Variants in KCNB2 observed in about 807,000 individuals in gnomAD.
The protein encoded by KCNB2 is delayed rectifier potassium channel protein.
Under a neutral mutation model 61.5 loss-of-function variants are expected in KCNB2, and 15 were observed. The observed-to-expected ratio is 0.24, with a 90% CI of 0.16 to 0.38. KCNB2 has a LOEUF of 0.38. KCNB2 is among the 10% of genes least tolerant of loss of function. The pLI is 1.00. For missense variants in KCNB2, 828 were observed against 1,125.2 expected (o/e 0.74, Z 3.78); for synonymous variants, 457 against 446.0 (o/e 1.02, Z -0.31).
At chr8:72,858,676 G>A (rs1463156243) in intron 2 of KCNB2, among the ~76,000 whole-genome samples, 1 of 152,198 alleles carries the variant, frequency 6.6e-6, no homozygotes, top group East Asian at 1.9e-4. Flanking sequence ...TGGAAATGAG[G>A]AGGGCAATAC....
chr8:72,836,053 A>C (rs2129002210), intron 2 of KCNB2, among the ~76,000 whole-genome samples: 1 of 152,320 alleles, frequency 6.6e-6, no homozygotes, highest in South Asian at 2.1e-4. Context: ...TGCTCAAAGA[A>C]TTCTCTAGAT....
At chr8:72,585,087 T>A (rs1806982906) in intron 2 of KCNB2, among the ~76,000 whole-genome samples, 1 of 152,190 alleles carries the variant, frequency 6.6e-6, no homozygotes, top group South Asian at 2.1e-4. Context: ...CATGGAGTCT[T>A]GCTGAAGACT....
At chr8:72,688,192 G>A (rs1806884979) in intron 2 of KCNB2, among the ~76,000 whole-genome samples, 1 of 152,142 alleles carries the variant, frequency 6.6e-6, no homozygotes, top group African/African-American at 2.4e-5. Context: ...CCATGTGATT[G>A]TCGTGTACCT....
intron 2 of KCNB2, among the ~76,000 whole-genome samples, chr8:72,814,442 A>T (rs971580680): frequency 6.6e-6 from 1 of 152,172 alleles, no homozygotes; most frequent in African/African-American, 2.4e-5. Flanking sequence ...ATACTAATTT[A>T]TATTCCCTCC....
At chr8:72,867,631 G>A (rs1805549632) in intron 2 of KCNB2, among the ~76,000 whole-genome samples, 2 of 152,160 alleles carry the variant, frequency 1.3e-5, no homozygotes, top group South Asian at 4.1e-4. Flanking sequence ...CATTTGTCAT[G>A]AATATAACTA....
chr8:72,789,844 T>C (rs1460714767), intron 2 of KCNB2, among the ~76,000 whole-genome samples: 2 of 151,704 alleles, frequency 1.3e-5, no homozygotes, highest in African/African-American at 4.8e-5. Flanking sequence ...AAGCAGGAGG[T>C]GATATTAATC....
chr8:72,554,273 C>A (rs1806387709), intron 1 of KCNB2, among the ~76,000 whole-genome samples: 1 of 152,054 alleles, frequency 6.6e-6, no homozygotes, highest in Non-Finnish European at 1.5e-5. Context: ...TATATAGTGA[C>A]AGTCAAGTAA....
chr8:72,831,626 T>A lies in KCNB2; in HGVS notation c.580-104309T>A, dbSNP rs554627243. 1.5e-3 allele frequency among the ~76,000 whole-genome samples: 229 copies of A among 152,374 alleles called. 1 individual carries two copies. Among genetic ancestry groups the A allele is most frequent in the African/African-American group, 5.1e-3 (211 of 41,592 alleles). On this transcript the variant is annotated intron_variant, in intron 2 of 2. Coordinates refer to ENST00000523207, the MANE Select transcript of KCNB2 (RefSeq NM_004770.3). ...AAAAGGTTATCAAACTAATGTACAT[T>A]TATATGTTTTCAATTAAAATAAAAC...
intron 2 of KCNB2, among the ~76,000 whole-genome samples, chr8:72,609,480 G>A (rs1387095311): frequency 6.6e-6 from 1 of 152,250 alleles, no homozygotes; most frequent in East Asian, 1.9e-4. Context: ...CAAAAAATTA[G>A]CGTAATAGAT....
chr8:72,637,205 C>G (rs1486615279), intron 2 of KCNB2, among the ~76,000 whole-genome samples: 28 of 152,142 alleles, frequency 1.8e-4, no homozygotes, highest in Admixed American at 1.8e-3. Context: ...CGATGGTTTA[C>G]TGCACTGTGT....
At chr8:72,738,992 G>A (rs898911883) in intron 2 of KCNB2, among the ~76,000 whole-genome samples, 1 of 151,840 alleles carries the variant, frequency 6.6e-6, no homozygotes, top group Non-Finnish European at 1.5e-5. Flanking sequence ...CATTTATTAG[G>A]ATTAAAAGAT....
At chr8:72,620,854 C>T (rs1043705424) in intron 2 of KCNB2, among the ~76,000 whole-genome samples, 48 of 152,208 alleles carry the variant, frequency 3.2e-4, no homozygotes, top group African/African-American at 1.1e-3. Flanking sequence ...TTGATCCACC[C>T]GCCTCGGCCT....
In KCNB2 at chr8:72,567,992, G is replaced by C. The variant is rs1205139943; in HGVS notation, c.258G>C (p.Glu86Asp). ...VCDDYNLNEN[E>D]YFFDRHPGAF... is the part of the protein sequence containing the mutation. ...ACGACTATAATCTGAACGAGAACGA[G>C]TATTTCTTTGATCGGCATCCAGGAG... Residue 86 changes from glutamate (E) to aspartate (D), a missense_variant, in exon 2 of 3, where the codon GAG becomes GAC. This residue lies in a region of KCNB2 where 163 missense variants were observed against 314.4 expected (regional missense o/e 0.52). Coordinates refer to ENST00000523207, the MANE Select transcript of KCNB2 (RefSeq NM_004770.3). 1 of 1,614,002 alleles carries C rather than the reference G, an allele frequency of 6.2e-7. No homozygotes were observed. The highest frequency in any genetic ancestry group is 8.5e-7 in the Non-Finnish European group (1 of 1,180,030).
intron 2 of KCNB2, among the ~76,000 whole-genome samples, chr8:72,824,409 A>G (rs1401334659): frequency 6.6e-6 from 1 of 151,804 alleles, no homozygotes; most frequent in Non-Finnish European, 1.5e-5. Context: ...ACAGTTCCCC[A>G]GCCCCCCTGT....
chr8:72,548,860 G>A (rs1476441121), intron 1 of KCNB2, among the ~76,000 whole-genome samples: 2 of 152,162 alleles, frequency 1.3e-5, no homozygotes, highest in African/African-American at 4.8e-5. Context: ...AAGTGGTTAT[G>A]TTGGGTTCAT....
At chr8:72,815,547 C>A (rs1563393232) in intron 2 of KCNB2, among the ~76,000 whole-genome samples, 1 of 152,142 alleles carries the variant, frequency 6.6e-6, no homozygotes, top group African/African-American at 2.4e-5. Flanking sequence ...CTTATCATAT[C>A]ATCTAAACCA....
At chr8:72,816,318 C>T (rs1490362945) in intron 2 of KCNB2, among the ~76,000 whole-genome samples, 1 of 152,170 alleles carries the variant, frequency 6.6e-6, no homozygotes, top group African/African-American at 2.4e-5. Flanking sequence ...ATGCATCAGC[C>T]AGGTTTTATT....
intron 2 of KCNB2, among the ~76,000 whole-genome samples, chr8:72,824,412 C>T (rs1451174478): frequency 1.3e-5 from 2 of 152,040 alleles, no homozygotes; most frequent in African/African-American, 2.4e-5. Context: ...GTTCCCCAGC[C>T]CCCCTGTAGT....
chr8:72,836,068 A>C (rs558417469), intron 2 of KCNB2, among the ~76,000 whole-genome samples: 6 of 152,338 alleles, frequency 3.9e-5, no homozygotes, highest in African/African-American at 1.4e-4. Context: ...CTAGATTTTA[A>C]GTTAAAATGT....
Sources: gnomAD v4.1 joint callset for allele counts (sites outside exome capture counted in the v4.1 genomes callset) on GRCh38, gnomAD v4.1.1 for gene constraint, gnomAD v4.1.1 regional missense constraint, MANE v1.5 for transcripts, NCBI Gene and HGNC (gene_info 2026-07-23, HGNC 2026-07-21) for gene names.